The following FAM135B variants were observed in gnomAD, a reference collection of about 807,000 sequenced individuals.
FAM135B encodes protein FAM135B.
In FAM135B, 43 loss-of-function variants were observed where a neutral mutation model predicts 127.7. The ratio of observed to expected loss-of-function variants is 0.34; its 90% CI spans 0.26 to 0.43. FAM135B has a LOEUF of 0.43. Among genes scored for constraint, FAM135B ranks in the 20% least tolerant of loss-of-function variants. FAM135B has a pLI of 1.00. For synonymous variants in FAM135B, 670 were observed against 665.1 expected, an observed-to-expected ratio of 1.01 and a Z score of -0.11; for missense variants, 1,558 against 1,725.6, an observed-to-expected ratio of 0.90 and a Z score of 1.72.
chr8:138,205,797 G>A (rs762472498), intron 7 of FAM135B, among the ~76,000 whole-genome samples: 9 of 152,064 alleles, frequency 5.9e-5, no homozygotes, highest in Non-Finnish European at 1.0e-4. Context: ...TCCACAGAGT[G>A]TATCTGAGAA....
chr8:138,384,569 A>T (rs1407304607), intron 1 of FAM135B, among the ~76,000 whole-genome samples: 1 of 152,042 alleles, frequency 6.6e-6, no homozygotes, highest in Non-Finnish European at 1.5e-5. Context: ...ATCTGCTCCC[A>T]AGCATAGCAG....
intron 1 of FAM135B, among the ~76,000 whole-genome samples, chr8:138,369,135 A>G (rs1563942727): frequency 6.6e-6 from 1 of 152,214 alleles, no homozygotes; most frequent in African/African-American, 2.4e-5. Context: ...GATACTGAGT[A>G]GACTCCCGAT....
At chr8:138,338,449 G>A (rs971550276) in intron 2 of FAM135B, among the ~76,000 whole-genome samples, 6 of 152,140 alleles carry the variant, frequency 3.9e-5, no homozygotes, top group African/African-American at 1.4e-4. Context: ...AGTGGGCAAA[G>A]GATATAAACA....
In FAM135B at chr8:138,151,360, C is replaced by T. The variant is rs1818125750; in HGVS notation, c.3115G>A (p.Ala1039Thr). Reference sequence around the variant, plus strand: ...ACAGATGAGAAAGGGAGACAGGTGGCAGTGCAAGACACAGATAAGTTCACA... The same window carrying T: ...ACAGATGAGAAAGGGAGACAGGTGGTAGTGCAAGACACAGATAAGTTCACA... ...EVVNLSVSCTATCLPFSSVPK... is the reference protein window; with the variant it reads ...EVVNLSVSCTTTCLPFSSVPK... Residue 1039 changes from alanine (A) to threonine (T), a missense_variant, in exon 13 of 20, where the codon GCC becomes ACC. Physicochemically the swap from Ala to Thr is moderately conservative, Grantham distance 58. Coordinates refer to ENST00000395297, the MANE Select transcript of FAM135B (RefSeq NM_015912.4). 1.2e-6 allele frequency: 2 copies of T among 1,613,514 alleles called. No homozygotes were observed. The highest frequency in any genetic ancestry group is 8.5e-7 in the Non-Finnish European group (1 of 1,179,826).
intron 1 of FAM135B, among the ~76,000 whole-genome samples, chr8:138,489,141 TTTGA>T (rs1181755870): frequency 6.6e-5 from 10 of 152,320 alleles, no homozygotes; most frequent in African/African-American, 2.2e-4. Context: ...CTTTTCTGAG[TTTGA>T]TTGATATTGC....
rs199610675 is a variant in FAM135B, at chr8:138,178,090, C to CA, written c.1029+444dup. On this transcript the variant is annotated intron_variant, in intron 10 of 19. Coordinates refer to ENST00000395297, the MANE Select transcript of FAM135B (RefSeq NM_015912.4). ...TGAAACCCCATCTCTACTAAAAATA[C>CA]AAAAAAAATTAGTCGGGTGTGGTGG... Among the ~76,000 whole-genome samples the CA allele has an allele frequency of 4.9e-3, 743 of 151,342 alleles. 2 individuals carry two copies. Among genetic ancestry groups the CA allele is most frequent in the African/African-American group, 0.014 (593 of 41,298 alleles).
chr8:138,302,321 A>G (rs1318078825), intron 3 of FAM135B, among the ~76,000 whole-genome samples: 1 of 151,988 alleles, frequency 6.6e-6, no homozygotes, highest in Non-Finnish European at 1.5e-5. Flanking sequence ...GCCCCTCTGA[A>G]GCCTTGTGCT....
At chr8:138,215,636 CAA>C (rs1348031276) in intron 7 of FAM135B, among the ~76,000 whole-genome samples, 6 of 152,280 alleles carry the variant, frequency 3.9e-5, no homozygotes. Flanking sequence ...TTAAATGAAA[CAA>C]GAGGATGAAA....
rs768169732 is a variant in FAM135B at position 138,265,817 on chromosome 8, A to C, written c.183T>G (p.Cys61Trp). 1 of 1,613,954 alleles carries C rather than the reference A, an allele frequency of 6.2e-7. No homozygotes were observed. Among genetic ancestry groups the C allele is most frequent in the Non-Finnish European group, 8.5e-7 (1 of 1,179,954 alleles). ...QTESSSLHSA[C>W]VHDSTVHSRV... The stretch of plus-strand genomic sequence containing the variant: ...GGCTGTGCACGGTGCTGTCATGGAC[A>C]CAGGCTGAATGCAGGCTGCTGCTCT... Residue 61 changes from cysteine (C) to tryptophan (W), a missense_variant, in exon 4 of 20, where the codon TGT (cysteine) becomes TGG (tryptophan). Transcript: ENST00000395297.
chr8:138,480,322 T>C (rs1249568408), intron 1 of FAM135B, among the ~76,000 whole-genome samples: 2 of 152,194 alleles, frequency 1.3e-5, no homozygotes, highest in African/African-American at 4.8e-5. Context: ...CAAAGTTAGT[T>C]ATTTTGATCT....
chr8:138,407,623 T>C (rs7817643), intron 1 of FAM135B, among the ~76,000 whole-genome samples: 42,975 of 151,878 alleles, frequency 0.28, 6,354 homozygotes, highest in Non-Finnish European at 0.32. Flanking sequence ...AACTATCTGA[T>C]CTTTGACAAA....
At chr8:138,404,906 T>TA (rs974589253) in intron 1 of FAM135B, among the ~76,000 whole-genome samples, 1 of 152,170 alleles carries the variant, frequency 6.6e-6, no homozygotes, top group Non-Finnish European at 1.5e-5. Flanking sequence ...AAAGTTCTGT[T>TA]AACGTTGATA....
chr8:138,283,014 C>T (rs982234387), intron 3 of FAM135B, among the ~76,000 whole-genome samples: 1 of 152,126 alleles, frequency 6.6e-6, no homozygotes, highest in Admixed American at 6.6e-5. Context: ...GATTTTCCCG[C>T]CTCAGTCTCC....
At chr8:138,184,385 T>A (rs1242580256) in intron 9 of FAM135B, among the ~76,000 whole-genome samples, 1 of 152,120 alleles carries the variant, frequency 6.6e-6, no homozygotes, top group Non-Finnish European at 1.5e-5. Context: ...GAGTTGTCCC[T>A]GTGTTGGTTT....
chr8:138,195,394 C>T (rs1816528284), intron 8 of FAM135B, 87 bp from the exon 9 acceptor site: 1 of 1,297,638 alleles, frequency 7.7e-7, no homozygotes, highest in East Asian at 2.3e-5. Flanking sequence ...AAAAGTTTCA[C>T]ATTGGCATTA....
intron 1 of FAM135B, among the ~76,000 whole-genome samples, chr8:138,434,823 G>C (rs767544551): frequency 6.6e-6 from 1 of 152,140 alleles, no homozygotes; most frequent in Admixed American, 6.6e-5. Context: ...AAGTAGGTGG[G>C]GGTACATGCC....
chr8:138,470,507 G>A (rs58441273), intron 1 of FAM135B, among the ~76,000 whole-genome samples: 2,995 of 152,196 alleles, frequency 0.02, 76 homozygotes, highest in East Asian at 0.078. Flanking sequence ...GATTGAATTT[G>A]TTTTTTAACT....
intron 1 of FAM135B, among the ~76,000 whole-genome samples, chr8:138,474,814 G>A (rs1040312000): frequency 2.6e-5 from 4 of 152,088 alleles, no homozygotes; most frequent in South Asian, 2.1e-4. Context: ...ATGAAGGTTC[G>A]GTCTGGACTC....
Position 138,151,349 on chromosome 8 carries a change from G to C in FAM135B, c.3126C>G (p.Leu1042=). The C allele has an allele frequency of 1.9e-6, 3 of 1,613,992 alleles. No homozygotes were observed. Among genetic ancestry groups the C allele is most frequent in the Non-Finnish European group, 1.7e-6 (2 of 1,179,964 alleles). ...NLSVSCTATC[L]PFSSVPKETP... ...TCTCCTTGGGCACAGATGAGAAAGG[G>C]AGACAGGTGGCAGTGCAAGACACAG... Residue 1042 remains leucine (L), a synonymous_variant, in exon 13 of 20, where the codon CTC becomes CTG. Coordinates refer to ENST00000395297, the MANE Select transcript of FAM135B (RefSeq NM_015912.4).
Sources: allele counts gnomAD v4.1 joint callset (sites outside exome capture counted in the v4.1 genomes callset), GRCh38; gene constraint gnomAD v4.1.1; transcripts MANE v1.5; gene names NCBI Gene and HGNC (gene_info 2026-07-23, HGNC 2026-07-21).